GTF2F2: variants seen among roughly 807,000 people sequenced by gnomAD.
The protein encoded by GTF2F2 is general transcription factor IIF subunit 2, also known as ATP-dependent helicase GTF2F2.
In GTF2F2, 23 loss-of-function variants were observed where a neutral mutation model predicts 42.2. That is an observed-to-expected ratio of 0.55 (90% CI 0.39 to 0.77). The LOEUF (loss-of-function observed/expected upper bound fraction) is 0.77. Ranked by LOEUF, GTF2F2 falls within the 30% of genes least tolerant of loss-of-function variation. The pLI, the probability that GTF2F2 is intolerant of heterozygous loss-of-function variation, is 0.00. For synonymous variants in GTF2F2, 105 were observed against 100.8 expected (o/e 1.04, Z -0.25); for missense variants, 261 against 287.2 (o/e 0.91, Z 0.66).
intron 7 of GTF2F2, among the ~76,000 whole-genome samples, chr13:45,272,232 G>T (rs1876822891): frequency 6.6e-6 from 1 of 151,000 alleles, no homozygotes; most frequent in Admixed American, 6.6e-5. Flanking sequence ...TTTAGAATAT[G>T]AAATGTGATG....
At chr13:45,280,800 G>C (rs1399281247) in intron 7 of GTF2F2, among the ~76,000 whole-genome samples, 4 of 152,144 alleles carry the variant, frequency 2.6e-5, no homozygotes, top group African/African-American at 9.7e-5. Flanking sequence ...GGGCACACTA[G>C]ACTTGAAGTC....
intron 5 of GTF2F2, among the ~76,000 whole-genome samples, chr13:45,229,192 C>T (rs536556756): frequency 6.6e-6 from 1 of 152,072 alleles, no homozygotes; most frequent in Admixed American, 6.5e-5. Flanking sequence ...TCTTCCCTTC[C>T]CCTCCACTCC....
chr13:45,137,834 T>C (rs1217361549), intron 2 of GTF2F2, among the ~76,000 whole-genome samples: 2 of 122,970 alleles, frequency 1.6e-5, no homozygotes, highest in African/African-American at 1.1e-4. Context: ...AAAAAACTTG[T>C]GTTCCTTATT....
At chr13:45,225,796 G>A (rs923971433) in intron 5 of GTF2F2, among the ~76,000 whole-genome samples, 5 of 152,058 alleles carry the variant, frequency 3.3e-5, no homozygotes, top group Non-Finnish European at 7.4e-5. Context: ...TTGATATTTT[G>A]CTACAATGGA....
chr13:45,145,696 A>T (rs1870155936), intron 2 of GTF2F2, among the ~76,000 whole-genome samples: 1 of 152,008 alleles, frequency 6.6e-6, no homozygotes, highest in Non-Finnish European at 1.5e-5. Flanking sequence ...GTTGTCCTTA[A>T]TATAGTTACT....
At chr13:45,227,030 G>A (rs1415802558) in intron 5 of GTF2F2, among the ~76,000 whole-genome samples, 3 of 152,126 alleles carry the variant, frequency 2.0e-5, no homozygotes, top group Non-Finnish European at 1.5e-5. Context: ...AACCTGGAAG[G>A]TCAAGGCTGC....
chr13:45,276,157 T>TG (rs957758738), intron 7 of GTF2F2, among the ~76,000 whole-genome samples: 1 of 152,200 alleles, frequency 6.6e-6, no homozygotes, highest in African/African-American at 2.4e-5. Context: ...TGCCATTAGT[T>TG]GAATCCATGG....
At chr13:45,247,147 C>T (rs745323231) in intron 5 of GTF2F2, among the ~76,000 whole-genome samples, 10 of 151,818 alleles carry the variant, frequency 6.6e-5, no homozygotes, top group Non-Finnish European at 1.5e-4. Context: ...GACAGGAGTT[C>T]GAGACCAGCC....
chr13:45,191,618 G>C (rs1235115643), intron 4 of GTF2F2, among the ~76,000 whole-genome samples: 2 of 151,778 alleles, frequency 1.3e-5, no homozygotes, highest in Non-Finnish European at 2.9e-5. Context: ...ACAATATTTA[G>C]GCATTTGAAT....
chr13:45,231,543 A>G (rs982055628), intron 5 of GTF2F2, among the ~76,000 whole-genome samples: 1 of 152,226 alleles, frequency 6.6e-6, no homozygotes, highest in African/African-American at 2.4e-5. Context: ...ATGAATCAAT[A>G]GGGAGTCCTC....
chr13:45,257,267 C>A (rs967271006), intron 6 of GTF2F2, among the ~76,000 whole-genome samples: 3 of 152,126 alleles, frequency 2.0e-5, no homozygotes, highest in African/African-American at 7.2e-5. Context: ...TGAAATCGCA[C>A]CCCTGAAAAC....
chr13:45,145,348 T>C (rs1870139947), intron 2 of GTF2F2, among the ~76,000 whole-genome samples: 1 of 152,228 alleles, frequency 6.6e-6, no homozygotes, highest in South Asian at 2.1e-4. Context: ...ACTCATCTTA[T>C]ACATTTCTGC....
intron 1 of GTF2F2, among the ~76,000 whole-genome samples, chr13:45,132,509 A>T (rs547930602): frequency 1.3e-5 from 2 of 151,832 alleles, no homozygotes; most frequent in Admixed American, 6.6e-5. Context: ...CAGAGTGTGC[A>T]CACTGAGAAA....
intron 5 of GTF2F2, among the ~76,000 whole-genome samples, chr13:45,212,794 T>G (rs1034954974): frequency 6.6e-6 from 1 of 151,948 alleles, no homozygotes; most frequent in Non-Finnish European, 1.5e-5. Flanking sequence ...CAGGCTGGAG[T>G]GCAGTGGTGC....
At chr13:45,253,491 C>T (rs577199082) in intron 6 of GTF2F2, among the ~76,000 whole-genome samples, 1 of 152,256 alleles carries the variant, frequency 6.6e-6, no homozygotes, top group South Asian at 2.1e-4. Context: ...AAGTGAGGAC[C>T]ATCTGTACAG....
At chr13:45,160,552 T>C (rs1327576088) in intron 4 of GTF2F2, among the ~76,000 whole-genome samples, 1 of 152,218 alleles carries the variant, frequency 6.6e-6, no homozygotes, top group African/African-American at 2.4e-5. Context: ...CTGGAGACTA[T>C]TGGTTTCCTG....
chr13:45,216,608 C>T (rs905730629), intron 5 of GTF2F2, among the ~76,000 whole-genome samples: 1 of 152,016 alleles, frequency 6.6e-6, no homozygotes, highest in Admixed American at 6.6e-5. Context: ...CCTCTGTGCC[C>T]CTGGGTTCAA....
chr13:45,281,790 T>G (rs1221734832), intron 7 of GTF2F2, among the ~76,000 whole-genome samples: 2 of 152,248 alleles, frequency 1.3e-5, no homozygotes, highest in African/African-American at 4.8e-5. Flanking sequence ...AAAAATTACA[T>G]CTTCCATCAA....
intron 4 of GTF2F2, among the ~76,000 whole-genome samples, chr13:45,167,265 C>T (rs957340093): frequency 7.4e-5 from 11 of 147,932 alleles, no homozygotes; most frequent in African/African-American, 2.8e-4. Flanking sequence ...GATGGAGTCT[C>T]GCTCTGTTGC....
Sources: gnomAD v4.1 joint callset for allele counts (sites outside exome capture counted in the v4.1 genomes callset) on GRCh38, gnomAD v4.1.1 for gene constraint, MANE v1.5 for transcripts, NCBI Gene and HGNC (gene_info 2026-07-23, HGNC 2026-07-21) for gene names.